LDLRAD3: variants seen among roughly 807,000 people sequenced by gnomAD.
The protein encoded by LDLRAD3 is low-density lipoprotein receptor class A domain-containing protein 3.
Under a neutral mutation model 29.4 loss-of-function variants are expected in LDLRAD3, and 20 were observed. That is an observed-to-expected ratio of 0.68 (90% CI 0.48 to 0.99). The LOEUF (loss-of-function observed/expected upper bound fraction) is 0.99, where lower values mean the gene tolerates loss of function less well. LDLRAD3 is among the 50% of genes least tolerant of loss of function. The pLI is 0.00. For synonymous variants in LDLRAD3, 157 were observed against 192.7 expected, an observed-to-expected ratio of 0.81 and a Z score of 1.53; for missense variants, 420 against 454.3, an observed-to-expected ratio of 0.92 and a Z score of 0.69.
At chr11:36,032,362 CA>C (rs1852246060) in intron 1 of LDLRAD3, among the ~76,000 whole-genome samples, 1 of 152,124 alleles carries the variant, frequency 6.6e-6, no homozygotes, top group Non-Finnish European at 1.5e-5. Context: ...AAGCAGGCAG[CA>C]ACTGGACCAT....
intron 4 of LDLRAD3, among the ~76,000 whole-genome samples, chr11:36,160,707 A>G (rs181248523): frequency 1.5e-4 from 23 of 151,950 alleles, no homozygotes; most frequent in African/African-American, 5.1e-4. Flanking sequence ...GTATTTTCAC[A>G]TAGAAGAAAT....
chr11:36,139,328 C>G (rs1854046570), intron 4 of LDLRAD3, among the ~76,000 whole-genome samples: 1 of 152,192 alleles, frequency 6.6e-6, no homozygotes, highest in South Asian at 2.1e-4. Flanking sequence ...TTCCAGTCCG[C>G]ATAATTCATC....
intron 2 of LDLRAD3, among the ~76,000 whole-genome samples, chr11:36,070,671 A>T (rs888227570): frequency 6.6e-6 from 1 of 152,206 alleles, no homozygotes; most frequent in Non-Finnish European, 1.5e-5. Context: ...TTTAGTGCCC[A>T]TTGAGATCCT....
chr11:36,168,499 T>TTC (rs1491455651), intron 4 of LDLRAD3, among the ~76,000 whole-genome samples: 8 of 10,924 alleles, frequency 7.3e-4, no homozygotes, highest in Non-Finnish European at 1.0e-3. Context: ...TTCTTTCTTC[T>TTC]TTTTTTTTTT....
At chr11:36,146,710 T>C (rs1023595601) in intron 4 of LDLRAD3, among the ~76,000 whole-genome samples, 2 of 151,920 alleles carry the variant, frequency 1.3e-5, no homozygotes, top group Non-Finnish European at 1.5e-5. Context: ...TGCTTCCGTC[T>C]TCACCTGGCA....
At chr11:35,951,679 C>G (rs958056192) in intron 1 of LDLRAD3, among the ~76,000 whole-genome samples, 1 of 152,130 alleles carries the variant, frequency 6.6e-6, no homozygotes, top group African/African-American at 2.4e-5. Flanking sequence ...ATGCTGTTTC[C>G]CTGCCTCTTT....
chr11:36,145,071 C>T (rs1590305920), intron 4 of LDLRAD3, among the ~76,000 whole-genome samples: 1 of 103,072 alleles, frequency 9.7e-6, no homozygotes, highest in East Asian at 4.0e-4. Flanking sequence ...AGAGGAGCCC[C>T]TCTGCCCGGC....
chr11:36,180,895 C>T (rs555175274), intron 4 of LDLRAD3, among the ~76,000 whole-genome samples: 3 of 152,162 alleles, frequency 2.0e-5, no homozygotes, highest in East Asian at 3.9e-4. Flanking sequence ...GTGAGAGAAT[C>T]GCTAAGGATG....
At chr11:35,983,824 C>T (rs527382631) in intron 1 of LDLRAD3, among the ~76,000 whole-genome samples, 33 of 152,136 alleles carry the variant, frequency 2.2e-4, no homozygotes, top group African/African-American at 7.7e-4. Flanking sequence ...GGGGTTTCAC[C>T]ACGTTGGCCA....
At chr11:36,180,858 G>C (rs1188409263) in intron 4 of LDLRAD3, among the ~76,000 whole-genome samples, 1 of 152,154 alleles carries the variant, frequency 6.6e-6, no homozygotes, top group East Asian at 1.9e-4. Context: ...GAGACCATTG[G>C]AATTGCTTGT....
intron 1 of LDLRAD3, chr11:35,997,341 C>G: frequency 2.2e-6 from 1 of 458,370 alleles, no homozygotes; most frequent in Non-Finnish European, 4.3e-6. Context: ...ATCTGTGAAG[C>G]AATGTTGACA....
intron 4 of LDLRAD3, among the ~76,000 whole-genome samples, chr11:36,157,744 A>C (rs1164908020): frequency 6.6e-6 from 1 of 152,176 alleles, no homozygotes; most frequent in Non-Finnish European, 1.5e-5. Flanking sequence ...TTTTGGAGGG[A>C]GCGGAGTGTC....
intron 2 of LDLRAD3, among the ~76,000 whole-genome samples, chr11:36,041,218 C>T (rs1378371851): frequency 6.6e-6 from 1 of 152,230 alleles, no homozygotes; most frequent in Non-Finnish European, 1.5e-5. Flanking sequence ...TTAGAGCTTC[C>T]TCTAGGCCAC....
At chr11:36,135,968 C>G (rs540142054) in intron 4 of LDLRAD3, among the ~76,000 whole-genome samples, 1 of 152,252 alleles carries the variant, frequency 6.6e-6, no homozygotes, top group South Asian at 2.1e-4. Flanking sequence ...TGGCATTTTC[C>G]AAAAGTACCC....
At chr11:36,099,631 G>A (rs1853416411) in intron 4 of LDLRAD3, among the ~76,000 whole-genome samples, 1 of 152,208 alleles carries the variant, frequency 6.6e-6, no homozygotes, top group Non-Finnish European at 1.5e-5. Flanking sequence ...TAGGATAGAT[G>A]ATGGATAAGT....
chr11:36,205,857 G>T (rs1041276118), intron 4 of LDLRAD3, among the ~76,000 whole-genome samples: 1 of 152,214 alleles, frequency 6.6e-6, no homozygotes, highest in South Asian at 2.1e-4. Context: ...GCTCAGAAGC[G>T]ATGAGTAGAA....
intron 4 of LDLRAD3, among the ~76,000 whole-genome samples, chr11:36,189,060 T>G (rs758824688): frequency 1.3e-5 from 2 of 151,892 alleles, no homozygotes; most frequent in Non-Finnish European, 2.9e-5. Context: ...ACAATTTGGG[T>G]TTTTCATAGA....
intron 4 of LDLRAD3, among the ~76,000 whole-genome samples, chr11:36,140,992 TTCTCTC>T (rs557939353): frequency 0.013 from 1,388 of 110,036 alleles, 19 homozygotes; most frequent in African/African-American, 0.031. Context: ...CTGTTGAGCT[TTCTCTC>T]TCTCTCTCTC....
chr11:36,147,032 C>T (rs184397592), intron 4 of LDLRAD3, among the ~76,000 whole-genome samples: 37 of 150,828 alleles, frequency 2.5e-4, no homozygotes, highest in Admixed American at 2.2e-3. Context: ...TCGAGTGACC[C>T]ACCCACCTTG....
Sources: allele counts gnomAD v4.1 joint callset (sites outside exome capture counted in the v4.1 genomes callset), GRCh38; gene constraint gnomAD v4.1.1; transcripts MANE v1.5; gene names NCBI Gene and HGNC (gene_info 2026-07-23, HGNC 2026-07-21).